DRD2: variants seen among roughly 807,000 people sequenced by gnomAD.
DRD2 encodes the protein dopamine receptor D2, also known as D(2) dopamine receptor.
A neutral mutation model predicts 38.0 loss-of-function variants in DRD2; 8 were observed. The observed-to-expected ratio is 0.21, with a 90% CI of 0.12 to 0.38. The LOEUF is 0.38. DRD2 is among the 10% of genes least tolerant of loss of function. The probability of loss-of-function intolerance (pLI) is 1.00; values close to 1 mark genes in which losing one functional copy is unlikely to be tolerated. For missense variants in DRD2, 403 were observed against 607.7 expected (o/e 0.66, Z 3.54); for synonymous variants, 230 against 238.6 (o/e 0.96, Z 0.33).
chr11:113,423,219 G>A (rs1310515477), intron 2 of DRD2, among the ~76,000 whole-genome samples: 1 of 152,182 alleles, frequency 6.6e-6, no homozygotes, highest in Non-Finnish European at 1.5e-5. Context: ...TGTGACCTGG[G>A]TGAAGAAAGG....
At chr11:113,451,648 G>A (rs142615934) in intron 1 of DRD2, among the ~76,000 whole-genome samples, 3,334 of 151,826 alleles carry the variant, frequency 0.022, 99 homozygotes, top group East Asian at 0.13. Flanking sequence ...CTGCTACCAC[G>A]CCCGGCTAAT....
intron 1 of DRD2, among the ~76,000 whole-genome samples, chr11:113,460,662 C>T (rs538329501): frequency 6.6e-6 from 1 of 152,350 alleles, no homozygotes; most frequent in Admixed American, 6.5e-5. Flanking sequence ...CACATGTGCC[C>T]CTGTCCCTGC....
chr11:113,410,843 C>G lies in DRD2; in HGVS notation c.1216G>C (p.Val406Leu). ...AGCCACGTGAAGGCGCTGTACAGGACAGGCGGGATGTTGCAGTCACAGTGT... is the reference window on the plus strand; with the variant it reads ...AGCCACGTGAAGGCGCTGTACAGGAGAGGCGGGATGTTGCAGTCACAGTGT... The part of the protein sequence containing the change: ...NIHCDCNIPP[V>L]LYSAFTWLGY... Residue 406 changes from valine to leucine, a missense_variant, in exon 8 of 8, where the codon GTC (valine) becomes CTC (leucine). This residue lies in a region of DRD2 where 67 missense variants were observed against 136.1 expected (regional missense o/e 0.49). Coordinates refer to ENST00000362072, the MANE Select transcript of DRD2 (RefSeq NM_000795.4). 6.2e-7 allele frequency: 1 copy of G among 1,614,174 alleles called. No individual in the cohort carries two copies. The highest frequency in any genetic ancestry group is 2.2e-5 in the East Asian group (1 of 44,874).
intron 1 of DRD2, among the ~76,000 whole-genome samples, chr11:113,472,063 G>A: frequency 6.6e-6 from 1 of 152,324 alleles, no homozygotes; most frequent in African/African-American, 2.4e-5. Flanking sequence ...TAGGTATTAA[G>A]CCACAAAGCG....
chr11:113,452,469 T>TGTGTGTGTGTGCGC (rs1210531875), intron 1 of DRD2, among the ~76,000 whole-genome samples: 77 of 118,820 alleles, frequency 6.5e-4, no homozygotes, highest in African/African-American at 2.7e-3. Context: ...TGTGTGTGTG[T>TGTGTGTGTGTGCGC]GCGCGCGCGC....
intron 1 of DRD2, among the ~76,000 whole-genome samples, chr11:113,466,236 A>C (rs952647698): frequency 1.3e-5 from 2 of 152,224 alleles, no homozygotes; most frequent in African/African-American, 4.8e-5. Context: ...TCAAACTGTT[A>C]CTGCGTTTGG....
At chr11:113,430,843 T>A (rs1022599423) in intron 1 of DRD2, among the ~76,000 whole-genome samples, 2 of 152,218 alleles carry the variant, frequency 1.3e-5, no homozygotes, top group Non-Finnish European at 2.9e-5. Flanking sequence ...ACATAACACA[T>A]GGCACCTTGT....
chr11:113,473,958 G>A (rs751442337), intron 1 of DRD2, among the ~76,000 whole-genome samples: 11 of 152,212 alleles, frequency 7.2e-5, no homozygotes, highest in Non-Finnish European at 1.6e-4. Context: ...GGCCTAAAAG[G>A]TTTGTAGCCT....
chr11:113,418,002 C>T (rs1283724788), intron 3 of DRD2, 25 bp downstream of exon 3: 1 of 1,602,486 alleles, frequency 6.2e-7, no homozygotes, highest in Admixed American at 1.7e-5. Flanking sequence ...GCCAGAGCAA[C>T]CTCTTCCACC....
chr11:113,440,775 C>G (rs1221179269), intron 1 of DRD2, among the ~76,000 whole-genome samples: 1 of 152,292 alleles, frequency 6.6e-6, no homozygotes, highest in South Asian at 2.1e-4. Flanking sequence ...GAGGGCACCC[C>G]ATTGGGAACA....
chr11:113,416,711 G>T, intron 4 of DRD2, 152 bp downstream of exon 4: 1 of 1,183,560 alleles, frequency 8.4e-7, no homozygotes, highest in Non-Finnish European at 1.2e-6. Context: ...GCTTGGCCCA[G>T]GACACGTAGC....
intron 1 of DRD2, among the ~76,000 whole-genome samples, chr11:113,457,494 T>C (rs1199939714): frequency 3.3e-5 from 5 of 151,874 alleles, no homozygotes; most frequent in Non-Finnish European, 4.4e-5. Flanking sequence ...AAGAGTGCAA[T>C]AGAACCGGCC....
chr11:113,451,447 T>C (rs1951208685), intron 1 of DRD2, among the ~76,000 whole-genome samples: 1 of 152,206 alleles, frequency 6.6e-6, no homozygotes, highest in Non-Finnish European at 1.5e-5. Flanking sequence ...TTCTTCCACG[T>C]ATATATGTAT....
chr11:113,446,794 C>T (rs1338962898), intron 1 of DRD2, among the ~76,000 whole-genome samples: 2 of 152,198 alleles, frequency 1.3e-5, no homozygotes, highest in Non-Finnish European at 2.9e-5. Flanking sequence ...TGTGGAGGCA[C>T]GTGGCTGTAA....
At chr11:113,415,846 C>T (rs1950820705) in intron 4 of DRD2, among the ~76,000 whole-genome samples, 3 of 152,232 alleles carry the variant, frequency 2.0e-5, no homozygotes, top group Non-Finnish European at 4.4e-5. Flanking sequence ...GGACTGCTCC[C>T]AAGTCTTTCC....
chr11:113,469,680 T>C (rs1398114456), intron 1 of DRD2, among the ~76,000 whole-genome samples: 2 of 151,956 alleles, frequency 1.3e-5, no homozygotes, highest in African/African-American at 4.8e-5. Flanking sequence ...TACAAAAAAT[T>C]CTTTAAAAAA....
chr11:113,452,174 C>T (rs1055017312), intron 1 of DRD2, among the ~76,000 whole-genome samples: 1 of 152,118 alleles, frequency 6.6e-6, no homozygotes, highest in Non-Finnish European at 1.5e-5. Flanking sequence ...GACCCCAAAT[C>T]ATATTGGGAC....
intron 1 of DRD2, among the ~76,000 whole-genome samples, chr11:113,458,977 T>C (rs956857294): frequency 1.3e-5 from 2 of 152,120 alleles, no homozygotes; most frequent in Non-Finnish European, 2.9e-5. Context: ...GTGAAGAAGA[T>C]AAACCTAGCA....
intron 2 of DRD2, among the ~76,000 whole-genome samples, chr11:113,421,761 T>G (rs866217663): frequency 3.9e-5 from 6 of 152,144 alleles, no homozygotes; most frequent in Admixed American, 3.9e-4. Context: ...GGTGCGCTGA[T>G]AGGACATCAG....
Sources: gnomAD v4.1 joint callset for allele counts (sites outside exome capture counted in the v4.1 genomes callset) on GRCh38, gnomAD v4.1.1 for gene constraint, gnomAD v4.1.1 regional missense constraint, MANE v1.5 for transcripts, NCBI Gene and HGNC (gene_info 2026-07-23, HGNC 2026-07-21) for gene names.